Variants in DOCK3 observed in about 807,000 individuals in gnomAD.
DOCK3 encodes the protein dedicator of cytokinesis protein 3.
Under a neutral mutation model 265.6 loss-of-function variants are expected in DOCK3, and 60 were observed. The ratio of observed to expected loss-of-function variants is 0.23; its 90% CI spans 0.18 to 0.28. DOCK3 has a LOEUF of 0.28. Ranked by LOEUF, DOCK3 falls within the 10% of genes least tolerant of loss-of-function variation. DOCK3 has a pLI of 1.00. For missense variants in DOCK3, 1,981 were observed against 2,594.3 expected (o/e 0.76, Z 5.14); for synonymous variants, 881 against 938.0 (o/e 0.94, Z 1.11).
In DOCK3 at chr3:51,277,449, A is replaced by G. The variant is rs564671551; in HGVS notation, c.2677-159A>G. Among the ~76,000 whole-genome samples the G allele has an allele frequency of 4.6e-5, 7 of 152,262 alleles. No individual in the cohort carries two copies. In the South Asian group the frequency reaches 1.5e-3, roughly 32 times the overall value. ...TTGTGCCTCACCTCCTGTCAAAGCCATTGTCCTGGGTGCCTTGACACTGCA... is the reference window on the plus strand; with the variant it reads ...TTGTGCCTCACCTCCTGTCAAAGCCGTTGTCCTGGGTGCCTTGACACTGCA... On this transcript the variant is annotated intron_variant, in intron 25 of 52. Transcript: ENST00000266037.
chr3:51,072,872 A>ATT (rs748566865), intron 6 of DOCK3, among the ~76,000 whole-genome samples: 8 of 138,800 alleles, frequency 5.8e-5, no homozygotes, highest in Middle Eastern at 3.8e-3. Context: ...AACCTGGCTA[A>ATT]TTTTTTTTTT....
At chr3:50,906,770 A>T (rs1184022235) in intron 4 of DOCK3, among the ~76,000 whole-genome samples, 1 of 151,444 alleles carries the variant, frequency 6.6e-6, no homozygotes, top group African/African-American at 2.4e-5. Context: ...TTCTGCTCTG[A>T]TCTTAGTTAT....
At chr3:51,277,848 A>T (rs1453956147) in intron 26 of DOCK3, 94 bp downstream of exon 26, 1 of 1,541,750 alleles carries the variant, frequency 6.5e-7, no homozygotes, top group East Asian at 2.4e-5. Flanking sequence ...CACCACCTTC[A>T]TCTCAGCCTT....
intron 2 of DOCK3, among the ~76,000 whole-genome samples, chr3:50,838,116 GA>G (rs1031982825): frequency 2.0e-5 from 3 of 152,142 alleles, no homozygotes; most frequent in Non-Finnish European, 4.4e-5. Context: ...GGGTAAAGTG[GA>G]AAAAGTCTGT....
At chr3:50,897,232 A>G (rs1191124088) in intron 4 of DOCK3, among the ~76,000 whole-genome samples, 1 of 151,970 alleles carries the variant, frequency 6.6e-6, no homozygotes, top group African/African-American at 2.4e-5. Context: ...TAGGTATTTT[A>G]TTCTCTTTGT....
At chr3:50,788,442 C>T (rs553052645) in intron 2 of DOCK3, among the ~76,000 whole-genome samples, 3 of 152,318 alleles carry the variant, frequency 2.0e-5, no homozygotes, top group African/African-American at 4.8e-5. Flanking sequence ...GTTGCAGCAC[C>T]AAAGCATAAG....
At chr3:51,222,372 A>AAGGC (rs2090138736) in intron 14 of DOCK3, among the ~76,000 whole-genome samples, 1 of 152,142 alleles carries the variant, frequency 6.6e-6, no homozygotes, top group African/African-American at 2.4e-5. Context: ...GGCTATCTAT[A>AAGGC]AGGCAGGCAG....
rs376708124 is a variant in DOCK3, at chr3:51,360,625, C to G, written c.4999C>G (p.Arg1667Gly). Residue 1667 changes from arginine to glycine, a missense_variant, in exon 47 of 53, where the codon CGG (arginine) becomes GGG (glycine). Around this residue, in one of 4 missense-constraint regions of DOCK3, gnomAD observed 1,357 missense variants for 1,866.8 expected, o/e 0.73. Coordinates refer to ENST00000266037, the MANE Select transcript of DOCK3 (RefSeq NM_004947.5). The part of the protein sequence containing the change: ...MSPESIKMTH[R>G]HSPMNLMGTG... ...TCCGGAGAGCATCAAGATGACCCAC[C>G]GGCACAGGTATGGCCTTAGGGCTGG... The G allele has an allele frequency of 1.9e-6, 3 of 1,613,696 alleles. No homozygotes were observed. In the African/African-American group the frequency reaches 4.0e-5, roughly 22 times the overall value.
At chr3:50,835,870 A>T (rs912572268) in intron 2 of DOCK3, among the ~76,000 whole-genome samples, 1 of 152,146 alleles carries the variant, frequency 6.6e-6, no homozygotes, top group Non-Finnish European at 1.5e-5. Context: ...ACCCCATGAG[A>T]TCTTATCTCT....
chr3:51,381,255 C>A lies in DOCK3; in HGVS notation c.5789C>A (p.Pro1930Gln), dbSNP rs367869947. Residue 1930 changes from proline to glutamine, a missense_variant, in exon 53 of 53, where the codon CCA becomes CAA. Coordinates refer to ENST00000266037, the MANE Select transcript of DOCK3 (RefSeq NM_004947.5). The surrounding 1 kb of genome is among the most constrained non-coding windows in gnomAD (Gnocchi z 5.6). ...TGGAATGCTGACGAAGATCTTGAGC[C>A]ACCCTACCTCCCTGTCCACTACAGC... ...QAWNADEDLE[P>Q]PYLPVHYSLS... 3.2e-5 allele frequency: 51 copies of A among 1,613,872 alleles called. No homozygotes were observed. In the African/African-American group the frequency reaches 6.5e-4, roughly 21 times the overall value.
intron 32 of DOCK3, among the ~76,000 whole-genome samples, chr3:51,320,718 A>G (rs984621529): frequency 6.6e-6 from 1 of 152,156 alleles, no homozygotes; most frequent in Non-Finnish European, 1.5e-5. Flanking sequence ...AGGAAGTTTG[A>G]ACTGGGTGGA....
chr3:51,295,996 A>C (rs1184559361), intron 27 of DOCK3, among the ~76,000 whole-genome samples: 2 of 152,166 alleles, frequency 1.3e-5, no homozygotes, highest in African/African-American at 4.8e-5. Flanking sequence ...ACTGACAACT[A>C]TGCCTGGCTA....
At position 51,075,431 on chromosome 3, in the gene DOCK3, C is replaced by A; in HGVS notation, c.540C>A (p.Leu180=). The change falls in exon 7 of 53, where the codon CTC becomes CTA. Residue 180 remains leucine (L), a synonymous_variant. Transcript: ENST00000266037. ...VDSDQISVSD[L]YKMHLSSRQS... is the part of the protein sequence containing the mutation. ...CGGACCAGATTAGTGTCTCAGATCTCTATAAGATGGTAAGAAATCTAACAT... is the reference window on the plus strand; with the variant it reads ...CGGACCAGATTAGTGTCTCAGATCTATATAAGATGGTAAGAAATCTAACAT... The A allele has an allele frequency of 6.2e-7, 1 of 1,605,130 alleles. No individual in the cohort carries two copies. Among genetic ancestry groups the A allele is most frequent in the East Asian group, 2.2e-5 (1 of 44,750 alleles).
intron 5 of DOCK3, among the ~76,000 whole-genome samples, chr3:51,024,471 G>A (rs185743757): frequency 7.2e-5 from 11 of 152,246 alleles, no homozygotes; most frequent in Non-Finnish European, 7.4e-5. Context: ...GAAGGTAACT[G>A]GGGGGTCAGG....
chr3:50,809,321 A>G (rs1177574337), intron 2 of DOCK3, among the ~76,000 whole-genome samples: 1 of 152,238 alleles, frequency 6.6e-6, no homozygotes, highest in Non-Finnish European at 1.5e-5. Flanking sequence ...ACATATGGAA[A>G]GGTGCTTAAT....
At chr3:51,011,727 GCT>G (rs1218859362) in intron 5 of DOCK3, among the ~76,000 whole-genome samples, 3 of 152,160 alleles carry the variant, frequency 2.0e-5, no homozygotes, top group Non-Finnish European at 2.9e-5. Flanking sequence ...CAGCTTTTCT[GCT>G]CTGTTTTTTC....
chr3:51,200,343 G>A (rs1245152129), intron 12 of DOCK3, among the ~76,000 whole-genome samples: 1 of 151,126 alleles, frequency 6.6e-6, no homozygotes. Flanking sequence ...TTAAGGAGCT[G>A]ATGGAGCTGA....
At position 51,237,582 on chromosome 3, in the gene DOCK3, G is replaced by A; in HGVS notation, c.2094G>A (p.Leu698=). The A allele has an allele frequency of 2.5e-6, 4 of 1,612,722 alleles. No individual in the cohort carries two copies. Among genetic ancestry groups the A allele is most frequent in the Non-Finnish European group, 3.4e-6 (4 of 1,179,350 alleles). Residue 698 remains leucine, a synonymous_variant, in exon 21 of 53, where the codon CTG becomes CTA. Coordinates refer to ENST00000266037, the MANE Select transcript of DOCK3 (RefSeq NM_004947.5). ...TYIQKHFAGA[L]AYKELIRCLK... ...TCCAGAAGCACTTTGCTGGAGCTCTGGCATACAAGTAAGTTCCATTTGGTA... is the reference window on the plus strand; with the variant it reads ...TCCAGAAGCACTTTGCTGGAGCTCTAGCATACAAGTAAGTTCCATTTGGTA...
At chr3:51,075,332 G>C (rs1009189452) in intron 6 of DOCK3, 24 bp from the exon 7 acceptor site, 2 of 1,591,266 alleles carry the variant, frequency 1.3e-6, no homozygotes, top group African/African-American at 2.7e-5. Context: ...ATGGCATACT[G>C]AGTGTGGTCT....
Sources: gnomAD v4.1 joint callset for allele counts (sites outside exome capture counted in the v4.1 genomes callset) on GRCh38, gnomAD v4.1.1 for gene constraint, gnomAD v4.1.1 regional missense constraint, Gnocchi (gnomAD v3.1) non-coding constraint, MANE v1.5 for transcripts, NCBI Gene and HGNC (gene_info 2026-07-23, HGNC 2026-07-21) for gene names.